Variants in IFT27 observed in about 807,000 individuals in gnomAD.
IFT27 encodes the protein intraflagellar transport protein 27 homolog.
In IFT27, 19 loss-of-function variants were observed where a neutral mutation model predicts 23.9. That is an observed-to-expected ratio of 0.79 (90% CI 0.55 to 1.16). The LOEUF is 1.16. Among genes scored for constraint, IFT27 ranks in the 50% most tolerant of loss-of-function variants. IFT27 has a pLI of 0.00. For synonymous variants in IFT27, 91 were observed against 89.1 expected (o/e 1.02, Z -0.12); for missense variants, 206 against 228.7 (o/e 0.90, Z 0.64).
At chr22:36,766,278 T>C in intron 3 of IFT27, 81 bp from the exon 4 acceptor site, 1 of 1,177,944 alleles carries the variant, frequency 8.5e-7, no homozygotes, top group Non-Finnish European at 1.3e-6. Context: ...CAACTCACAC[T>C]GGACTTGTCT....
chr22:36,775,378 A>G (rs188377942), intron 1 of IFT27, among the ~76,000 whole-genome samples: 4 of 152,280 alleles, frequency 2.6e-5, no homozygotes, highest in Admixed American at 1.3e-4. Flanking sequence ...TTGTTTTAAC[A>G]AGTCTGCTTC....
At position 36,775,832 on chromosome 22, in the gene IFT27, A is replaced by T; in HGVS notation, c.-125T>A. The stretch of plus-strand genomic sequence containing the variant: ...GGTGGGGAGGGGAGGGCTGATCTCA[A>T]GGGTCAGTGGCCGCGACGGGACTGG... On this transcript the variant is annotated 5_prime_UTR_variant, in exon 1 of 7. In the 5' UTR this introduces an upstream ATG that the reference lacks. Coordinates refer to ENST00000433985, the MANE Select transcript of IFT27 (RefSeq NM_001177701.3). 1 of 667,878 alleles carries T rather than the reference A, an allele frequency of 1.5e-6. No individual in the cohort carries two copies. The allele number at this position is 667,878 out of a possible 1,614,324, so 41.4% of individuals were successfully genotyped here.
At chr22:36,760,239 A>G (rs1300669325) in intron 6 of IFT27, 1 of 152,264 alleles carries the variant, frequency 6.6e-6, no homozygotes, top group Non-Finnish European at 1.5e-5. Flanking sequence ...AATGGAATGG[A>G]AAAAGACTGA....
In IFT27 at chr22:36,763,927, G is replaced by A. The variant is rs1436367220; in HGVS notation, c.344C>T (p.Ser115Phe). The A allele has an allele frequency of 1.9e-6, 3 of 1,610,424 alleles. No individual in the cohort carries two copies. The African/African-American group carries it at 4.0e-5, about 21-fold the overall frequency. ...GTGTCTGCAGCCCGTACCTGGGAGAGAGATGCCTGGAGCCTGTGACCGAGC... is the reference window on the plus strand; with the variant it reads ...GTGTCTGCAGCCCGTACCTGGGAGAAAGATGCCTGGAGCCTGTGACCGAGC... ...EKARSQAPGI[S>F]LPGVLVGNKT... The change falls in exon 5 of 7, where the codon TCT becomes TTT. Residue 115 changes from serine (S) to phenylalanine (F), a missense_variant. Ser to Phe is a radical substitution (Grantham distance 155). Transcript: ENST00000433985.
intron 6 of IFT27, chr22:36,762,290 T>C (rs1938111269): frequency 6.6e-6 from 1 of 152,356 alleles, no homozygotes; most frequent in Non-Finnish European, 1.5e-5. Context: ...GCAAAAGTAA[T>C]TGCAGTTTTT....
intron 1 of IFT27, chr22:36,772,390 C>T: frequency 1.9e-6 from 1 of 540,336 alleles, no homozygotes; most frequent in South Asian, 8.1e-5. Context: ...ATAATCATAG[C>T]ACCTACCCCA....
At chr22:36,767,125 C>T in intron 3 of IFT27, 181 bp downstream of exon 3, 2 of 511,262 alleles carry the variant, frequency 3.9e-6, no homozygotes, top group South Asian at 5.1e-5. Flanking sequence ...CTCCTTCCTT[C>T]CTTCCTCCTC....
chr22:36,765,231 A>T (rs1401002448), intron 4 of IFT27, among the ~76,000 whole-genome samples: 2 of 152,200 alleles, frequency 1.3e-5, no homozygotes, highest in Admixed American at 1.3e-4. Context: ...TCCAGGCTTC[A>T]GTGAGGGGGT....
chr22:36,773,654 CAAAAAAAAAAAAA>C (rs35651506), intron 1 of IFT27, among the ~76,000 whole-genome samples: 1 of 110,486 alleles, frequency 9.1e-6, no homozygotes, highest in South Asian at 3.2e-4. Flanking sequence ...AACTCCGTCT[CAAAAAAAAAAAAA>C]AAAAAAATAG....
chr22:36,768,603 G>A (rs965292060), intron 1 of IFT27: 2 of 156,250 alleles, frequency 1.3e-5, no homozygotes, highest in South Asian at 1.9e-4. Context: ...AAAGGTTTAT[G>A]TCGCAGTTTT....
Position 36,775,866 on chromosome 22 carries a change from G to C in IFT27, c.-159C>G, listed in dbSNP as rs1388232149. 6.5e-6 allele frequency: 2 copies of C among 309,812 alleles called. No homozygotes were observed. Among genetic ancestry groups the C allele is most frequent in the African/African-American group, 4.6e-5 (2 of 43,946 alleles). 19.2% of individuals were successfully genotyped at this position (309,812 alleles called of 1,614,324 possible). On this transcript the variant is annotated 5_prime_UTR_variant, in exon 1 of 7. Transcript: ENST00000433985. The stretch of plus-strand genomic sequence containing the variant: ...GGCCGCGACGGGACTGGGGATGACC[G>C]AGCCCGGCCCTTCTGGGCCGGGGGC...
chr22:36,773,616 T>C (rs1204641801), intron 1 of IFT27, among the ~76,000 whole-genome samples: 2 of 138,060 alleles, frequency 1.4e-5, no homozygotes, highest in Non-Finnish European at 3.0e-5. Flanking sequence ...ATTGTGCCAT[T>C]GCACTCCAGC....
intron 1 of IFT27, among the ~76,000 whole-genome samples, chr22:36,771,828 G>T (rs1438199225): frequency 6.6e-6 from 1 of 152,104 alleles, no homozygotes; most frequent in East Asian, 1.9e-4. Flanking sequence ...CACCCAGTGG[G>T]TGGCATCAAC....
At chr22:36,766,503 C>G (rs1239720334) in intron 3 of IFT27, 2 of 418,028 alleles carry the variant, frequency 4.8e-6, no homozygotes, top group South Asian at 5.2e-5. Flanking sequence ...CCTGGCAGAA[C>G]AGAATGCTAA....
chr22:36,764,631 G>T (rs776156807), intron 4 of IFT27, among the ~76,000 whole-genome samples: 4 of 152,216 alleles, frequency 2.6e-5, no homozygotes, highest in Non-Finnish European at 4.4e-5. Flanking sequence ...CTTAATAAGG[G>T]CTGGCTTGTT....
intron 1 of IFT27, among the ~76,000 whole-genome samples, chr22:36,771,215 C>T (rs1938379209): frequency 6.6e-6 from 1 of 152,188 alleles, no homozygotes; most frequent in African/African-American, 2.4e-5. Context: ...CCTCTGCTTC[C>T]CCAGCCCAAG....
intron 1 of IFT27, chr22:36,772,586 G>A: frequency 1.0e-6 from 1 of 985,408 alleles, no homozygotes; most frequent in African/African-American, 1.7e-5. Flanking sequence ...GGCACACAAA[G>A]GGCATTCACT....
chr22:36,776,036 G>C lies in IFT27; in HGVS notation c.-329C>G, dbSNP rs1938493941. ...GCCCCTCAGCACAGCCCTACCCAGA[G>C]GGTTCAAGGAAGGACGATCCGGCTC... On this transcript the variant is annotated 5_prime_UTR_variant, in exon 1 of 7. Coordinates refer to ENST00000433985, the MANE Select transcript of IFT27 (RefSeq NM_001177701.3). 8.9e-6 allele frequency: 4 copies of C among 451,386 alleles called. No homozygotes were observed. The highest frequency in any genetic ancestry group is 3.4e-5 in the Admixed American group (1 of 29,450). The allele number at this position is 451,386 out of a possible 1,614,324, so 28.0% of individuals were successfully genotyped here.
At position 36,762,945 on chromosome 22, in the gene IFT27, A is replaced by G. The variant is rs776839844; in HGVS notation, c.421T>C (p.Trp141Arg). Reference protein sequence around the residue: ...RAVDSAEARAWALGQGLECFE... With the variant: ...RAVDSAEARARALGQGLECFE... ...CATTCCAGGCCCTGGCCCAGCGCCC[A>G]TGCCCGGGCCTCAGCTGAGTCCACT... is the stretch of plus-strand genomic sequence containing the variant. The change falls in exon 6 of 7, where the codon TGG becomes CGG. Residue 141 changes from tryptophan to arginine, a missense_variant. Transcript: ENST00000433985. 2 of 1,597,402 alleles carry G rather than the reference A, an allele frequency of 1.3e-6. No individual in the cohort carries two copies. The highest frequency in any genetic ancestry group is 1.7e-6 in the Non-Finnish European group (2 of 1,169,452).
Sources: gnomAD v4.1 joint callset for allele counts (sites outside exome capture counted in the v4.1 genomes callset) on GRCh38, gnomAD v4.1.1 for gene constraint, MANE v1.5 for transcripts, NCBI Gene and HGNC (gene_info 2026-07-23, HGNC 2026-07-21) for gene names.